Variants in DNAH7 observed in about 807,000 individuals in gnomAD.
The protein encoded by DNAH7 is axonemal beta dynein heavy chain 7.
DNAH7 carries 397 observed loss-of-function variants against 444.6 expected under a neutral mutation model. That is an observed-to-expected ratio of 0.89 (90% confidence interval 0.82 to 0.97). The LOEUF is 0.97. Among genes scored for constraint, DNAH7 ranks in the 50% least tolerant of loss-of-function variants. The pLI, the probability that DNAH7 is intolerant of heterozygous loss-of-function variation, is 0.00. For missense variants in DNAH7, 4,902 were observed against 4,800.8 expected (o/e 1.02, Z -0.62); for synonymous variants, 1,636 against 1,624.4 (o/e 1.01, Z -0.17).
chr2:195,950,847 G>T (rs1690179758), intron 19 of DNAH7, among the ~76,000 whole-genome samples: 1 of 29,818 alleles, frequency 3.4e-5, no homozygotes, highest in African/African-American at 1.2e-4. Context: ...GTGGGACTCT[G>T]TCTCAAAAAA....
At chr2:195,784,624 T>C (rs965687877) in intron 58 of DNAH7, among the ~76,000 whole-genome samples, 4 of 152,212 alleles carry the variant, frequency 2.6e-5, no homozygotes, top group African/African-American at 9.6e-5. Flanking sequence ...AGGAGCATGA[T>C]TGCTGGATCA....
chr2:196,003,535 A>G (rs1415508826), intron 10 of DNAH7, among the ~76,000 whole-genome samples: 2 of 152,268 alleles, frequency 1.3e-5, no homozygotes, highest in African/African-American at 4.8e-5. Flanking sequence ...GCACATACAT[A>G]CATAAATAAA....
chr2:195,875,394 T>G (rs1480974294), intron 38 of DNAH7, among the ~76,000 whole-genome samples: 1 of 151,840 alleles, frequency 6.6e-6, no homozygotes, highest in African/African-American at 2.4e-5. Context: ...TTGGAAGACT[T>G]CCAGAAGGTG....
intron 49 of DNAH7, among the ~76,000 whole-genome samples, chr2:195,820,296 G>T (rs565973334): frequency 6.6e-6 from 1 of 151,864 alleles, no homozygotes; most frequent in Non-Finnish European, 1.5e-5. Flanking sequence ...GGCCTGTTGG[G>T]GGGTATGAGG....
At chr2:196,047,630 A>AT (rs34679412) in intron 4 of DNAH7, 131 bp from the exon 5 acceptor site, 254,859 of 516,058 alleles carry the variant, frequency 0.49, 37,639 homozygotes, top group Admixed American at 0.58. Flanking sequence ...CCTAAGTATA[A>AT]TTTTTTTTTT....
At chr2:196,053,961 T>C (rs1697644956) in intron 2 of DNAH7, among the ~76,000 whole-genome samples, 1 of 152,196 alleles carries the variant, frequency 6.6e-6, no homozygotes, top group African/African-American at 2.4e-5. Context: ...CCCACTGGCA[T>C]AGCTATAAGA....
intron 15 of DNAH7, 66 bp from the exon 16 acceptor site, chr2:195,972,532 GA>G (rs1691917585): frequency 1.7e-6 from 2 of 1,179,068 alleles, no homozygotes. Flanking sequence ...ACAGCCTGCG[GA>G]AATACACTGT....
chr2:195,949,281 T>C (rs1341055174), intron 19 of DNAH7, among the ~76,000 whole-genome samples: 2 of 151,838 alleles, frequency 1.3e-5, no homozygotes, highest in Non-Finnish European at 2.9e-5. Flanking sequence ...TACCACTTAT[T>C]TATTTATTTA....
chr2:195,894,607 C>A (rs951631858), intron 30 of DNAH7: 2 of 164,008 alleles, frequency 1.2e-5, no homozygotes, highest in Admixed American at 1.2e-4. Context: ...CAGTTCAATA[C>A]CACTAGCAGC....
chr2:196,019,211 G>A lies in DNAH7; in HGVS notation c.828C>T (p.Pro276=), dbSNP rs373191386. The A allele has an allele frequency of 6.5e-7, 1 of 1,526,882 alleles. No individual in the cohort carries two copies. Among genetic ancestry groups the A allele is most frequent in the Non-Finnish European group, 8.9e-7 (1 of 1,126,182 alleles). The allele number at this position is 1,526,882 out of a possible 1,614,324, so 94.6% of individuals were successfully genotyped here. ...ACAAATCTAGTACAGCCAGCATTGT[G>A]GGGTTCATTGCATTCAAGTGATCCC... ...YIRDHLNAMN[P]TMLAVLDLWH... Residue 276 remains proline, a synonymous_variant, in exon 9 of 65, where the codon CCC becomes CCT. Coordinates refer to ENST00000312428, the MANE Select transcript of DNAH7 (RefSeq NM_018897.3).
intron 19 of DNAH7, among the ~76,000 whole-genome samples, chr2:195,945,135 C>A (rs1488523350): frequency 2.0e-5 from 3 of 151,990 alleles, no homozygotes. Context: ...ATAGTTTATT[C>A]AAGTTCAGTG....
chr2:195,873,723 A>T, intron 38 of DNAH7, 29 bp from the exon 39 acceptor site: 1 of 1,482,260 alleles, frequency 6.7e-7, no homozygotes, highest in Admixed American at 2.6e-5. Context: ...AACTCTTAAT[A>T]ATGTTACTAG....
At chr2:195,962,583 C>A (rs1231738809) in intron 17 of DNAH7, among the ~76,000 whole-genome samples, 1 of 152,194 alleles carries the variant, frequency 6.6e-6, no homozygotes, top group East Asian at 1.9e-4. Context: ...TTCCTTGGCT[C>A]AAGTGATCTG....
chr2:195,775,648 GAAAA>G (rs35237602), intron 60 of DNAH7, among the ~76,000 whole-genome samples, 194 bp downstream of exon 60: 55 of 137,004 alleles, frequency 4.0e-4, no homozygotes, highest in African/African-American at 1.4e-3. Flanking sequence ...AAAGATAGAT[GAAAA>G]AAAAAAAAAA....
intron 12 of DNAH7, among the ~76,000 whole-genome samples, chr2:195,990,231 C>A (rs976347624): frequency 2.0e-5 from 3 of 152,086 alleles, no homozygotes; most frequent in African/African-American, 7.2e-5. Context: ...AATCTTTAAT[C>A]CGCTTTGAGG....
intron 17 of DNAH7, among the ~76,000 whole-genome samples, chr2:195,961,721 T>C (rs923208557): frequency 1.3e-5 from 2 of 152,192 alleles, no homozygotes; most frequent in Non-Finnish European, 2.9e-5. Flanking sequence ...TCTAGACACA[T>C]TGAGGACACA....
intron 31 of DNAH7, among the ~76,000 whole-genome samples, chr2:195,891,282 ACAATAG>A (rs1366258995): frequency 2.0e-5 from 3 of 152,258 alleles, no homozygotes; most frequent in East Asian, 3.8e-4. Context: ...AGCAGGCATG[ACAATAG>A]CAGCAGCCCA....
intron 1 of DNAH7, chr2:196,063,645 CCAT>C: frequency 1.3e-5 from 2 of 152,446 alleles, no homozygotes; most frequent in Non-Finnish European, 2.9e-5. Context: ...TGGGCCAGCG[CCAT>C]CATCATCATC....
At position 195,891,203 on chromosome 2, in the gene DNAH7, G is replaced by C. The variant is rs553791584; in HGVS notation, c.5046+452C>G. Among the ~76,000 whole-genome samples, 4 of 152,254 alleles carry C rather than the reference G, an allele frequency of 2.6e-5. No individual in the cohort carries two copies. The East Asian group carries it at 7.7e-4, about 29-fold the overall frequency. On this transcript the variant is annotated intron_variant, in intron 31 of 64. Coordinates refer to ENST00000312428, the MANE Select transcript of DNAH7 (RefSeq NM_018897.3). Reference sequence around the variant, plus strand: ...CTAATATGCTAAAGGAAAAGTGTGGGAACTTTAAGACATCATTGTGCAAAG... The same window carrying C: ...CTAATATGCTAAAGGAAAAGTGTGGCAACTTTAAGACATCATTGTGCAAAG...
Sources: gnomAD v4.1 joint callset for allele counts (sites outside exome capture counted in the v4.1 genomes callset) on GRCh38, gnomAD v4.1.1 for gene constraint, MANE v1.5 for transcripts, NCBI Gene and HGNC (gene_info 2026-07-23, HGNC 2026-07-21) for gene names.